RIMBP2: variants seen among roughly 807,000 people sequenced by gnomAD.
RIMBP2 encodes RIMS-binding protein 2.
In RIMBP2, 48 loss-of-function variants were observed where a neutral mutation model predicts 118.6. The ratio of observed to expected loss-of-function variants is 0.40; its 90% CI spans 0.32 to 0.51. The LOEUF (loss-of-function observed/expected upper bound fraction) is 0.51, where lower values mean the gene tolerates loss of function less well. RIMBP2 is among the 20% of genes least tolerant of loss of function. The pLI is 0.41. For synonymous variants in RIMBP2, 762 were observed against 742.9 expected, an observed-to-expected ratio of 1.03 and a Z score of -0.42; for missense variants, 1,551 against 1,768.3, an observed-to-expected ratio of 0.88 and a Z score of 2.20.
chr12:130,521,531 C>T (rs894084557), intron 2 of RIMBP2, among the ~76,000 whole-genome samples: 6 of 152,330 alleles, frequency 3.9e-5, no homozygotes, highest in South Asian at 2.1e-4. Context: ...CAAACGCACG[C>T]GTGGTCCCAC....
chr12:130,441,711 G>T (rs2078154167), intron 11 of RIMBP2, 137 bp downstream of exon 11: 2 of 749,404 alleles, frequency 2.7e-6, no homozygotes, highest in Non-Finnish European at 4.3e-6. Context: ...CTTCGCCGGT[G>T]ACCTAAGGGA....
At chr12:130,486,740 A>C (rs1206651981) in intron 4 of RIMBP2, among the ~76,000 whole-genome samples, 1 of 151,698 alleles carries the variant, frequency 6.6e-6, no homozygotes, top group Non-Finnish European at 1.5e-5. Flanking sequence ...ATTTAAAAAA[A>C]TGTGCACCCA....
At chr12:130,479,424 G>T (rs904236735) in intron 4 of RIMBP2, among the ~76,000 whole-genome samples, 1 of 152,324 alleles carries the variant, frequency 6.6e-6, no homozygotes, top group East Asian at 1.9e-4. Flanking sequence ...CTGGTTCAGG[G>T]TTTTATCTGC....
At chr12:130,397,646 G>A in intron 22 of RIMBP2, 97 bp from the exon 23 acceptor site, 2 of 396,512 alleles carry the variant, frequency 5.0e-6, no homozygotes, top group Non-Finnish European at 8.9e-6. Context: ...ACCAGGAAAG[G>A]TCAGGGGGGT....
chr12:130,605,336 T>G (rs2060119891), intron 2 of RIMBP2, among the ~76,000 whole-genome samples: 1 of 152,150 alleles, frequency 6.6e-6, no homozygotes, highest in African/African-American at 2.4e-5. Flanking sequence ...CTTCAATAAG[T>G]CAATCACGCG....
At chr12:130,585,559 A>G (rs979234275) in intron 2 of RIMBP2, among the ~76,000 whole-genome samples, 4 of 151,236 alleles carry the variant, frequency 2.6e-5, no homozygotes, top group African/African-American at 9.7e-5. Flanking sequence ...CCTGGCTGCA[A>G]TGGGACATGT....
At chr12:130,655,352 G>T (rs916345726) in intron 1 of RIMBP2, among the ~76,000 whole-genome samples, 4 of 152,150 alleles carry the variant, frequency 2.6e-5, no homozygotes, top group Non-Finnish European at 5.9e-5. Context: ...ACTCTGTAAG[G>T]ACCTTATTTA....
chr12:130,614,122 G>C (rs1030071070), intron 2 of RIMBP2, among the ~76,000 whole-genome samples: 1 of 152,154 alleles, frequency 6.6e-6, no homozygotes, highest in African/African-American at 2.4e-5. Flanking sequence ...TTTATGTTTC[G>C]GTAGCACTTC....
intron 1 of RIMBP2, among the ~76,000 whole-genome samples, chr12:130,662,774 A>G (rs2063715659): frequency 6.6e-6 from 1 of 151,976 alleles, no homozygotes; most frequent in African/African-American, 2.4e-5. Flanking sequence ...TGGGCAACAT[A>G]GCAAGACCCC....
intron 7 of RIMBP2, among the ~76,000 whole-genome samples, chr12:130,454,442 C>T (rs2079247252): frequency 6.6e-6 from 1 of 152,194 alleles, no homozygotes; most frequent in Admixed American, 6.5e-5. Flanking sequence ...TGTGGGGCAG[C>T]TCTCTGGAGG....
chr12:130,399,831 A>G lies in RIMBP2; in HGVS notation c.3766-18T>C, dbSNP rs530127342. The G allele has an allele frequency of 1.2e-6, 2 of 1,613,410 alleles. No individual in the cohort carries two copies. The highest frequency in any genetic ancestry group is 1.3e-5 in the African/African-American group (1 of 74,978). ...AGCTCCCCCTAAAACACCAGGGGTG[A>G]GGCAGAAGAACTATTTATTTTTCTA... On this transcript the variant is annotated intron_variant, in intron 21 of 22. Coordinates refer to ENST00000690449, the MANE Select transcript of RIMBP2 (RefSeq NM_001393629.1).
At chr12:130,664,415 A>ACGCACGCACACACACGCACG (rs1195044326) in intron 1 of RIMBP2, among the ~76,000 whole-genome samples, 4 of 130,496 alleles carry the variant, frequency 3.1e-5, no homozygotes, top group Non-Finnish European at 6.7e-5. Context: ...ACGCACGCAC[A>ACGCACGCACACACACGCACG]CACACGCACA....
chr12:130,540,531 T>C (rs12306743), intron 2 of RIMBP2, among the ~76,000 whole-genome samples: 66,828 of 151,928 alleles, frequency 0.44, 15,847 homozygotes, highest in Non-Finnish European at 0.53. Flanking sequence ...ACCTCCCAGA[T>C]AGCATCATGG....
intron 1 of RIMBP2, among the ~76,000 whole-genome samples, chr12:130,664,417 A>ACGCACGCACGCG (rs1566439003): frequency 1.2e-5 from 1 of 80,052 alleles, no homozygotes; most frequent in Admixed American, 1.1e-4. Context: ...GCACGCACAC[A>ACGCACGCACGCG]CACGCACACA....
In RIMBP2 at chr12:130,424,886, C is replaced by G. The variant is rs1292698563; in HGVS notation, c.2413-28G>C. On this transcript the variant is annotated intron_variant, in intron 15 of 22. Coordinates refer to ENST00000690449, the MANE Select transcript of RIMBP2 (RefSeq NM_001393629.1). The surrounding 1 kb of genome is among the most constrained non-coding windows in gnomAD (Gnocchi z 9.8). The stretch of plus-strand genomic sequence containing the variant: ...TACGGGGTGGTGTGTCAAGAACAGG[C>G]GCGGGAAAGAGTGTGTGGTCAGCAT... The G allele has an allele frequency of 8.3e-7, 1 of 1,206,414 alleles. No homozygotes were observed. Among genetic ancestry groups the G allele is most frequent in the Non-Finnish European group, 1.0e-6 (1 of 965,056 alleles). 74.7% of individuals were successfully genotyped at this position (1,206,414 alleles called of 1,614,324 possible).
intron 1 of RIMBP2, among the ~76,000 whole-genome samples, chr12:130,694,514 C>G (rs1335238083): frequency 6.6e-6 from 1 of 152,206 alleles, no homozygotes; most frequent in Non-Finnish European, 1.5e-5. Context: ...GTGCTTCTCT[C>G]CTTCCCACCA....
At chr12:130,483,996 A>G (rs950721082) in intron 4 of RIMBP2, among the ~76,000 whole-genome samples, 9 of 152,114 alleles carry the variant, frequency 5.9e-5, no homozygotes, top group Non-Finnish European at 1.5e-5. Context: ...GGCTCCTGGA[A>G]AGGCCCCAGA....
At chr12:130,405,783 T>TTTTGC (rs1290395566) in intron 21 of RIMBP2, among the ~76,000 whole-genome samples, 37 of 151,702 alleles carry the variant, frequency 2.4e-4, no homozygotes, top group Middle Eastern at 3.4e-3. Context: ...TTTTGTTTTG[T>TTTTGC]TTTTGCTTAT....
chr12:130,556,535 C>T (rs1036780522), intron 2 of RIMBP2, among the ~76,000 whole-genome samples: 2 of 152,224 alleles, frequency 1.3e-5, no homozygotes, highest in African/African-American at 4.8e-5. Flanking sequence ...GCCAGGGACG[C>T]TCGGGCACTC....
Sources: gnomAD v4.1 joint callset for allele counts (sites outside exome capture counted in the v4.1 genomes callset) on GRCh38, gnomAD v4.1.1 for gene constraint, Gnocchi (gnomAD v3.1) non-coding constraint, MANE v1.5 for transcripts, NCBI Gene and HGNC (gene_info 2026-07-23, HGNC 2026-07-21) for gene names.